The following NR6A1 variants were observed in gnomAD, a reference collection of about 807,000 sequenced individuals.
NR6A1 encodes the protein nuclear receptor subfamily 6 group A member 1.
A neutral mutation model predicts 59.1 loss-of-function variants in NR6A1; 7 were observed. The observed-to-expected ratio is 0.12, with a 90% CI of 0.07 to 0.22. The LOEUF is 0.22. Among genes scored for constraint, NR6A1 ranks in the 10% least tolerant of loss-of-function variants. The probability of loss-of-function intolerance (pLI) is 1.00; values close to 1 mark genes in which losing one functional copy is unlikely to be tolerated. For synonymous variants in NR6A1, 243 were observed against 236.1 expected (o/e 1.03, Z -0.27); for missense variants, 468 against 611.6 (o/e 0.77, Z 2.48).
chr9:124,737,283 T>C (rs1476224195), intron 1 of NR6A1, among the ~76,000 whole-genome samples: 2 of 152,208 alleles, frequency 1.3e-5, no homozygotes, highest in African/African-American at 4.8e-5. Flanking sequence ...TTATGTTGTC[T>C]CTGGATTTAC....
intron 2 of NR6A1, among the ~76,000 whole-genome samples, chr9:124,560,478 G>A (rs759477554): frequency 1.3e-5 from 2 of 152,130 alleles, no homozygotes; most frequent in Non-Finnish European, 2.9e-5. Context: ...TAAACAGAAC[G>A]TGGCCTTCTA....
At chr9:124,550,826 A>G (rs1769160237) in intron 3 of NR6A1, among the ~76,000 whole-genome samples, 1 of 152,138 alleles carries the variant, frequency 6.6e-6, no homozygotes, top group Non-Finnish European at 1.5e-5. Context: ...GTGAGCCACT[A>G]AGCCTGGCCT....
At chr9:124,558,403 C>T (rs916676211) in intron 2 of NR6A1, among the ~76,000 whole-genome samples, 1 of 151,808 alleles carries the variant, frequency 6.6e-6, no homozygotes. Flanking sequence ...ATGGTCTATG[C>T]CATGGATGAG....
At chr9:124,757,706 C>G (rs927695057) in intron 1 of NR6A1, among the ~76,000 whole-genome samples, 4 of 152,164 alleles carry the variant, frequency 2.6e-5, no homozygotes, top group African/African-American at 9.7e-5. Flanking sequence ...CCTAAATATA[C>G]GATGCAGCTG....
intron 2 of NR6A1, among the ~76,000 whole-genome samples, chr9:124,562,491 T>G (rs1023352524): frequency 3.3e-5 from 5 of 152,140 alleles, no homozygotes; most frequent in African/African-American, 1.2e-4. Context: ...TATTCACAGT[T>G]GCAGTCATAC....
chr9:124,631,732 T>C (rs1392953104), intron 2 of NR6A1, among the ~76,000 whole-genome samples: 2 of 152,164 alleles, frequency 1.3e-5, no homozygotes, highest in Admixed American at 1.3e-4. Context: ...ACATGTCTCA[T>C]GGAAGTTTGT....
chr9:124,538,738 T>C (rs1833356224), intron 5 of NR6A1, among the ~76,000 whole-genome samples: 1 of 152,080 alleles, frequency 6.6e-6, no homozygotes, highest in Admixed American at 6.5e-5. Context: ...AAATCCAGCA[T>C]CTAGCAAGGA....
chr9:124,677,223 A>G (rs1311797185), intron 2 of NR6A1, among the ~76,000 whole-genome samples: 1 of 152,170 alleles, frequency 6.6e-6, no homozygotes, highest in Non-Finnish European at 1.5e-5. Context: ...TCAAAATAGT[A>G]TAGTAACTAC....
intron 2 of NR6A1, among the ~76,000 whole-genome samples, chr9:124,626,411 T>C (rs932853928): frequency 6.6e-6 from 1 of 152,260 alleles, no homozygotes; most frequent in Non-Finnish European, 1.5e-5. Context: ...ATATTGGTTC[T>C]GTTTCTCTGG....
At chr9:124,646,659 G>C (rs147134029) in intron 2 of NR6A1, among the ~76,000 whole-genome samples, 7 of 152,198 alleles carry the variant, frequency 4.6e-5, no homozygotes, top group South Asian at 4.1e-4. Flanking sequence ...ACTAACAATA[G>C]CTAATGAGCT....
chr9:124,557,094 G>A (rs1833950871), intron 2 of NR6A1, among the ~76,000 whole-genome samples: 1 of 152,050 alleles, frequency 6.6e-6, no homozygotes, highest in Non-Finnish European at 1.5e-5. Context: ...ACAGCACAGT[G>A]ACAAATTGAC....
chr9:124,622,208 GA>G (rs1343400208), intron 2 of NR6A1, among the ~76,000 whole-genome samples: 1 of 152,068 alleles, frequency 6.6e-6, no homozygotes, highest in Non-Finnish European at 1.5e-5. Flanking sequence ...AGAGTGAGAA[GA>G]AAACAAAAGT....
intron 2 of NR6A1, among the ~76,000 whole-genome samples, chr9:124,644,867 T>G (rs1385840599): frequency 6.6e-6 from 1 of 152,232 alleles, no homozygotes; most frequent in African/African-American, 2.4e-5. Flanking sequence ...ATACAACGAC[T>G]GTACTTCAGA....
chr9:124,654,531 A>G (rs1837192363), intron 2 of NR6A1, among the ~76,000 whole-genome samples: 1 of 152,010 alleles, frequency 6.6e-6, no homozygotes, highest in African/African-American at 2.4e-5. Context: ...GAGCTCTTGC[A>G]TTTCTTGTTG....
chr9:124,574,844 A>C (rs1036949000), intron 2 of NR6A1, among the ~76,000 whole-genome samples: 5 of 152,244 alleles, frequency 3.3e-5, no homozygotes, highest in African/African-American at 1.2e-4. Flanking sequence ...AAATGAATGC[A>C]ATAGAATTTA....
At chr9:124,572,701 T>C (rs1834473202) in intron 2 of NR6A1, among the ~76,000 whole-genome samples, 1 of 152,140 alleles carries the variant, frequency 6.6e-6, no homozygotes, top group Non-Finnish European at 1.5e-5. Flanking sequence ...AATGAAGCAT[T>C]TCCACAGGCA....
intron 2 of NR6A1, among the ~76,000 whole-genome samples, chr9:124,564,681 CTGTGTGTGTGTGTGTG>C (rs56301413): frequency 2.5e-4 from 37 of 149,396 alleles, no homozygotes; most frequent in Middle Eastern, 3.5e-3. Flanking sequence ...AATCCACACT[CTGTGTGTGTGTGTGTG>C]TGTGTGTGTG....
chr9:124,737,071 T>C lies in NR6A1; in HGVS notation c.101-3722A>G, dbSNP rs532243585. 5.3e-5 allele frequency among the ~76,000 whole-genome samples: 8 copies of C among 152,256 alleles called. No individual in the cohort carries two copies. In the East Asian group the frequency reaches 1.4e-3, roughly 26 times the overall value. On this transcript the variant is annotated intron_variant, in intron 1 of 9. Transcript: ENST00000487099. ...GAACCCTAATATCACTAATGTCACT[T>C]TGGTTACTTGCTGTGGTTCTTGAAC...
intron 4 of NR6A1, 126 bp downstream of exon 4, chr9:124,543,676 T>C: frequency 1.5e-6 from 1 of 656,652 alleles, no homozygotes; most frequent in South Asian, 2.4e-5. Flanking sequence ...AAAGCACTTT[T>C]ACAGAAATGA....
Sources: gnomAD v4.1 joint callset for allele counts (sites outside exome capture counted in the v4.1 genomes callset) on GRCh38, gnomAD v4.1.1 for gene constraint, MANE v1.5 for transcripts, NCBI Gene and HGNC (gene_info 2026-07-23, HGNC 2026-07-21) for gene names.